ITIH5: variants seen among roughly 807,000 people sequenced by gnomAD.
ITIH5 encodes the protein inter-alpha-trypsin inhibitor heavy chain 5, also known as inter-alpha-trypsin inhibitor heavy chain H5.
Under a neutral mutation model 77.5 loss-of-function variants are expected in ITIH5, and 65 were observed. The ratio of observed to expected loss-of-function variants is 0.84; its 90% CI spans 0.69 to 1.03. The LOEUF (loss-of-function observed/expected upper bound fraction) is 1.03. Ranked by LOEUF, ITIH5 falls within the 50% of genes least tolerant of loss-of-function variation. The pLI, the probability that ITIH5 is intolerant of heterozygous loss-of-function variation, is 0.00. For missense variants in ITIH5, 1,208 were observed against 1,213.1 expected (o/e 1.00, Z 0.06); for synonymous variants, 525 against 494.3 (o/e 1.06, Z -0.82).
intron 13 of ITIH5, among the ~76,000 whole-genome samples, chr10:7,564,945 TACAC>T (rs1411734663): frequency 1.4e-5 from 2 of 145,460 alleles, no homozygotes; most frequent in South Asian, 2.2e-4. Flanking sequence ...ACACCATACA[TACAC>T]AGACTGTATA....
At chr10:7,583,291 A>G (rs1832604921) in intron 8 of ITIH5, among the ~76,000 whole-genome samples, 1 of 152,254 alleles carries the variant, frequency 6.6e-6, no homozygotes, top group African/African-American at 2.4e-5. Context: ...AAATGGAAAG[A>G]AAGTTATTTT....
chr10:7,599,312 T>G lies in ITIH5; in HGVS notation c.940-13243A>C, dbSNP rs112840406. On this transcript the variant is annotated intron_variant, in intron 7 of 13. Coordinates refer to ENST00000397146, the MANE Select transcript of ITIH5 (RefSeq NM_030569.7). ...CAAGAACCCAACCTACCTCTAACTC[T>G]TGGCTCCAGGTGAACCCCAGGCATG... Among the ~76,000 whole-genome samples, 49 of 152,282 alleles carry G rather than the reference T, an allele frequency of 3.2e-4. 1 individual carries two copies. In the East Asian group the frequency reaches 7.7e-3, roughly 24 times the overall value.
chr10:7,644,927 A>T (rs1833985212), intron 2 of ITIH5, among the ~76,000 whole-genome samples: 2 of 24,464 alleles, frequency 8.2e-5, no homozygotes, highest in Admixed American at 6.3e-4. Flanking sequence ...TATATATCAC[A>T]TATATATATC....
At position 7,577,181 on chromosome 10, in the gene ITIH5, C is replaced by G. The variant is rs569818932; in HGVS notation, c.1419-169G>C. Among the ~76,000 whole-genome samples, 7 of 152,296 alleles carry G rather than the reference C, an allele frequency of 4.6e-5. No individual in the cohort carries two copies. In the East Asian group the frequency reaches 1.3e-3, roughly 29 times the overall value. ...TTTCTGCCAGGAGATCACTAGGCAGCAGGTTGAACACCATTGGTGAGAGGG... is the reference window on the plus strand; with the variant it reads ...TTTCTGCCAGGAGATCACTAGGCAGGAGGTTGAACACCATTGGTGAGAGGG... On this transcript the variant is annotated intron_variant, in intron 9 of 13. Transcript: ENST00000397146.
intron 1 of ITIH5, among the ~76,000 whole-genome samples, chr10:7,665,436 G>A (rs553292077): frequency 6.6e-6 from 1 of 152,308 alleles, no homozygotes; most frequent in East Asian, 1.9e-4. Flanking sequence ...GTGTCATAAT[G>A]CATTCAGTCC....
At chr10:7,585,484 G>A (rs1832653004) in intron 8 of ITIH5, among the ~76,000 whole-genome samples, 2 of 152,130 alleles carry the variant, frequency 1.3e-5, no homozygotes, top group African/African-American at 4.8e-5. Context: ...TACCAAGAGG[G>A]CTCCTTGTTT....
In ITIH5 at chr10:7,563,030, G is replaced by A. The variant is rs371417970; in HGVS notation, c.*53C>T. On this transcript the variant is annotated 3_prime_UTR_variant, in exon 14 of 14. Coordinates refer to ENST00000397146, the MANE Select transcript of ITIH5 (RefSeq NM_030569.7). ...CAAGCCATGAAAAGAGCTGCCCCAC[G>A]GCCTCCCCACATCACTGTCCTTCAT... is the stretch of plus-strand genomic sequence containing the variant. The A allele has an allele frequency of 2.8e-5, 43 of 1,527,466 alleles. No individual in the cohort carries two copies. Among genetic ancestry groups the A allele is most frequent in the Non-Finnish European group, 3.4e-5 (37 of 1,101,712 alleles). 94.6% of individuals were successfully genotyped at this position (1,527,466 alleles called of 1,614,324 possible).
At chr10:7,576,316 A>T (rs1362164324) in intron 10 of ITIH5, 137 bp downstream of exon 10, 11 of 804,848 alleles carry the variant, frequency 1.4e-5, no homozygotes, top group Non-Finnish European at 1.9e-5. Context: ...GAGCTACTAT[A>T]CCCGGTCTGG....
intron 7 of ITIH5, among the ~76,000 whole-genome samples, chr10:7,595,234 A>C (rs935012854): frequency 6.6e-6 from 1 of 152,204 alleles, no homozygotes; most frequent in Non-Finnish European, 1.5e-5. Context: ...TGTAAATAAA[A>C]AAATAATAAA....
chr10:7,663,498 C>T (rs914581733), intron 1 of ITIH5, among the ~76,000 whole-genome samples: 41 of 152,104 alleles, frequency 2.7e-4, no homozygotes, highest in Admixed American at 5.9e-4. Flanking sequence ...CCTAAAAATG[C>T]GTGATGTTTG....
chr10:7,655,242 C>A (rs111351841), intron 2 of ITIH5, among the ~76,000 whole-genome samples: 5,073 of 152,226 alleles, frequency 0.033, 138 homozygotes, highest in African/African-American at 0.075. Flanking sequence ...GAGAGCCTAT[C>A]CAACTTTCAT....
At chr10:7,652,732 C>A (rs372063461) in intron 2 of ITIH5, among the ~76,000 whole-genome samples, 3 of 152,218 alleles carry the variant, frequency 2.0e-5, no homozygotes, top group East Asian at 3.9e-4. Context: ...GAACTGAGCA[C>A]TTTTATGTGG....
At chr10:7,615,908 C>A in intron 7 of ITIH5, 74 bp downstream of exon 7, 1 of 947,732 alleles carries the variant, frequency 1.1e-6, no homozygotes, top group South Asian at 1.3e-5. Context: ...ATCTACCGAA[C>A]TTTATTCGCA....
chr10:7,566,462 C>T, intron 12 of ITIH5, 55 bp from the exon 13 acceptor site: 1 of 1,517,140 alleles, frequency 6.6e-7, no homozygotes, highest in African/African-American at 1.4e-5. Context: ...GGAGTGGTGG[C>T]TCACACCTGT....
At chr10:7,641,848 A>G (rs1833894293) in intron 3 of ITIH5, 79 bp downstream of exon 3, 1 of 1,168,844 alleles carries the variant, frequency 8.6e-7, no homozygotes, top group East Asian at 2.3e-5. Flanking sequence ...CACAGTCACA[A>G]GGCTGTGGAC....
chr10:7,630,590 A>G (rs1833695929), intron 5 of ITIH5, among the ~76,000 whole-genome samples: 1 of 151,954 alleles, frequency 6.6e-6, no homozygotes, highest in African/African-American at 2.4e-5. Flanking sequence ...ACCTTTTCTG[A>G]TGCTTTTTGG....
At chr10:7,629,150 G>GGCATGTGTCCGTGTTGTA (rs1228953226) in intron 5 of ITIH5, among the ~76,000 whole-genome samples, 2 of 131,282 alleles carry the variant, frequency 1.5e-5, no homozygotes, top group East Asian at 4.5e-4. Flanking sequence ...TCCGTGTTGT[G>GGCATGTGTCCGTGTTGTA]GCATGCATCC....
At chr10:7,623,144 G>A (rs984305090) in intron 5 of ITIH5, among the ~76,000 whole-genome samples, 1 of 152,182 alleles carries the variant, frequency 6.6e-6, no homozygotes, top group African/African-American at 2.4e-5. Flanking sequence ...GGCTGGAAGC[G>A]CCACCCTCTG....
intron 2 of ITIH5, among the ~76,000 whole-genome samples, chr10:7,654,631 C>T (rs188234669): frequency 1.2e-4 from 18 of 152,336 alleles, no homozygotes; most frequent in Admixed American, 1.2e-3. Context: ...CCATGTCTAT[C>T]ACCTTCTGGG....
Sources: gnomAD v4.1 joint callset for allele counts (sites outside exome capture counted in the v4.1 genomes callset) on GRCh38, gnomAD v4.1.1 for gene constraint, MANE v1.5 for transcripts, NCBI Gene and HGNC (gene_info 2026-07-23, HGNC 2026-07-21) for gene names.